The following STPG2 variants were observed in gnomAD, a reference collection of about 807,000 sequenced individuals.
STPG2 encodes the protein sperm-tail PG-rich repeat-containing protein 2.
Under a neutral mutation model 54.2 loss-of-function variants are expected in STPG2, and 56 were observed. The ratio of observed to expected loss-of-function variants is 1.03; its 90% confidence interval spans 0.83 to 1.29. STPG2 has a LOEUF of 1.29. STPG2 is among the 50% of genes most tolerant of loss of function. The pLI, the probability that STPG2 is intolerant of heterozygous loss-of-function variation, is 0.00. For missense variants in STPG2, 596 were observed against 544.9 expected, an observed-to-expected ratio of 1.09 and a Z score of -0.93; for synonymous variants, 200 against 181.8, an observed-to-expected ratio of 1.10 and a Z score of -0.81.
At chr4:97,955,539 T>C (rs1163872712) in intron 7 of STPG2, among the ~76,000 whole-genome samples, 1 of 152,106 alleles carries the variant, frequency 6.6e-6, no homozygotes, top group East Asian at 1.9e-4. Flanking sequence ...TCTAAGAGTG[T>C]TCGAGGCATG....
intron 5 of STPG2, among the ~76,000 whole-genome samples, chr4:98,060,562 A>T (rs1400535211): frequency 1.3e-5 from 2 of 152,162 alleles, no homozygotes; most frequent in Non-Finnish European, 2.9e-5. Flanking sequence ...ACTAGAGAAA[A>T]CTATTTTTAA....
At chr4:97,525,145 A>T (rs939373430) in intron 4 of STPG2, among the ~76,000 whole-genome samples, 4 of 151,912 alleles carry the variant, frequency 2.6e-5, no homozygotes, top group Admixed American at 6.6e-5. Flanking sequence ...TTGTATTGTG[A>T]TATGCTTTCA....
intron 5 of STPG2, among the ~76,000 whole-genome samples, chr4:98,030,753 T>G (rs572644784): frequency 1.6e-3 from 239 of 152,272 alleles, no homozygotes; most frequent in African/African-American, 5.7e-3. Context: ...CTATCTGATC[T>G]TCAACAATCT....
At chr4:97,856,834 T>G (rs1474530090) in intron 8 of STPG2, among the ~76,000 whole-genome samples, 1 of 152,230 alleles carries the variant, frequency 6.6e-6, no homozygotes, top group Admixed American at 6.5e-5. Flanking sequence ...GTATGTTATT[T>G]CAATACCTAG....
At chr4:98,000,653 ATTAAAT>A (rs1388637823) in intron 5 of STPG2, among the ~76,000 whole-genome samples, 2 of 152,198 alleles carry the variant, frequency 1.3e-5, no homozygotes, top group Admixed American at 6.5e-5. Context: ...TTTTAAACTG[ATTAAAT>A]TTAAACAAAA....
At chr4:97,719,441 T>C (rs928183696) in intron 9 of STPG2, among the ~76,000 whole-genome samples, 3 of 151,952 alleles carry the variant, frequency 2.0e-5, no homozygotes, top group African/African-American at 7.2e-5. Flanking sequence ...CATCCCAAAA[T>C]AATAAATCAT....
chr4:97,446,234 G>C (rs1038523400), intron 4 of STPG2, among the ~76,000 whole-genome samples: 1 of 152,136 alleles, frequency 6.6e-6, no homozygotes, highest in Non-Finnish European at 1.5e-5. Flanking sequence ...ATTTTATCTT[G>C]TTATTAAAGG....
Position 97,741,797 on chromosome 4 carries a change from T to G in STPG2, c.1205-28983A>C, listed in dbSNP as rs1466993222. Among the ~76,000 whole-genome samples, 12 of 151,980 alleles carry G rather than the reference T, an allele frequency of 7.9e-5. 1 individual carries two copies. The Middle Eastern group carries it at 0.01, about 129-fold the overall frequency. ...TAAACTAGTTCAACCATTGTGGAAGTCAGTGTGGCGATTCCTCAGGGATCT... is the reference window on the plus strand; with the variant it reads ...TAAACTAGTTCAACCATTGTGGAAGGCAGTGTGGCGATTCCTCAGGGATCT... On this transcript the variant is annotated intron_variant, in intron 9 of 10. Coordinates refer to ENST00000295268, the MANE Select transcript of STPG2 (RefSeq NM_174952.3).
intron 5 of STPG2, among the ~76,000 whole-genome samples, chr4:98,026,718 C>A (rs1449124070): frequency 6.6e-6 from 1 of 152,136 alleles, no homozygotes; most frequent in Non-Finnish European, 1.5e-5. Context: ...TAGCTATGCC[C>A]TCTCCAGTGA....
chr4:97,758,838 GATA>G (rs1257909810), intron 9 of STPG2, among the ~76,000 whole-genome samples: 1 of 151,614 alleles, frequency 6.6e-6, no homozygotes, highest in African/African-American at 2.4e-5. Flanking sequence ...TGGCATTTCA[GATA>G]TGAAAAGGGT....
intron 4 of STPG2, among the ~76,000 whole-genome samples, chr4:97,540,044 C>A (rs1269753654): frequency 1.3e-5 from 2 of 152,096 alleles, no homozygotes; most frequent in African/African-American, 2.4e-5. Context: ...AAAATTGACA[C>A]CCTAACATCA....
intron 8 of STPG2, among the ~76,000 whole-genome samples, chr4:97,864,527 A>G (rs1292112768): frequency 6.6e-6 from 1 of 152,204 alleles, no homozygotes; most frequent in South Asian, 2.1e-4. Flanking sequence ...AAGGTAATTT[A>G]TACATTCAAT....
rs1282633120 is a variant in STPG2 at position 97,884,518 on chromosome 4, T to C, written c.1045-43586A>G. ...CATTGAAAGCCAAGAAGAGAGGTCT[T>C]AGAAGAAACCAATCATGACCACACT... is the stretch of plus-strand genomic sequence containing the variant. On this transcript the variant is annotated intron_variant, in intron 8 of 10. Coordinates refer to ENST00000295268, the MANE Select transcript of STPG2 (RefSeq NM_174952.3). Among the ~76,000 whole-genome samples, 4 of 152,132 alleles carry C rather than the reference T, an allele frequency of 2.6e-5. 1 individual carries two copies. The highest frequency in any genetic ancestry group is 5.9e-5 in the Non-Finnish European group (4 of 68,016).
At chr4:97,741,945 C>T (rs1322032984) in intron 9 of STPG2, among the ~76,000 whole-genome samples, 3 of 152,080 alleles carry the variant, frequency 2.0e-5, no homozygotes, top group African/African-American at 7.2e-5. Flanking sequence ...TTCACAATAG[C>T]AAGGACTTGG....
At chr4:97,831,930 C>A (rs1313340583) in intron 9 of STPG2, among the ~76,000 whole-genome samples, 1 of 152,272 alleles carries the variant, frequency 6.6e-6, no homozygotes, top group Admixed American at 6.5e-5. Context: ...CAGCCAAATT[C>A]TACCAGAGGT....
At chr4:97,909,641 A>C (rs1390545050) in intron 8 of STPG2, among the ~76,000 whole-genome samples, 3 of 152,332 alleles carry the variant, frequency 2.0e-5, no homozygotes, top group South Asian at 2.1e-4. Context: ...ATGCAAAAAT[A>C]AATTTGCATT....
chr4:97,738,871 ATCTACAGAAC>A (rs1725117749), intron 9 of STPG2, among the ~76,000 whole-genome samples: 1 of 152,200 alleles, frequency 6.6e-6, no homozygotes, highest in South Asian at 2.1e-4. Context: ...CCTAATAGAC[ATCTACAGAAC>A]TCTCCACCCC....
chr4:97,749,181 T>C (rs1725508395), intron 9 of STPG2, among the ~76,000 whole-genome samples: 2 of 151,742 alleles, frequency 1.3e-5, no homozygotes, highest in Admixed American at 6.6e-5. Context: ...AATCCTCCAT[T>C]CTTCTTCCCA....
intron 10 of STPG2, among the ~76,000 whole-genome samples, chr4:97,571,931 G>T (rs553417387): frequency 6.6e-6 from 1 of 152,208 alleles, no homozygotes; most frequent in African/African-American, 2.4e-5. Context: ...TACTTGATTA[G>T]TAACTATCCA....
Sources: allele counts gnomAD v4.1 joint callset (sites outside exome capture counted in the v4.1 genomes callset), GRCh38; gene constraint gnomAD v4.1.1; transcripts MANE v1.5; gene names NCBI Gene and HGNC (gene_info 2026-07-23, HGNC 2026-07-21).